CLASP2: variants seen among roughly 807,000 people sequenced by gnomAD.
CLASP2 encodes CLIP-associating protein 2.
A neutral mutation model predicts 194.4 loss-of-function variants in CLASP2; 47 were observed. The observed-to-expected ratio is 0.24, with a 90% CI of 0.19 to 0.31. CLASP2 has a LOEUF of 0.31. Among genes scored for constraint, CLASP2 ranks in the 10% least tolerant of loss-of-function variants. CLASP2 has a pLI of 1.00. For missense variants in CLASP2, 1,445 were observed against 1,823.6 expected, an observed-to-expected ratio of 0.79 and a Z score of 3.78; for synonymous variants, 619 against 633.5, an observed-to-expected ratio of 0.98 and a Z score of 0.34.
At chr3:33,634,494 T>C (rs2079731478) in intron 8 of CLASP2, among the ~76,000 whole-genome samples, 2 of 152,230 alleles carry the variant, frequency 1.3e-5, no homozygotes, top group African/African-American at 2.4e-5. Context: ...TAGCCAGATA[T>C]GGCCTGCCAG....
At chr3:33,539,197 G>A (rs1336535518) in intron 32 of CLASP2, among the ~76,000 whole-genome samples, 1 of 152,028 alleles carries the variant, frequency 6.6e-6, no homozygotes, top group Non-Finnish European at 1.5e-5. Context: ...CTTGAAAAAT[G>A]TTCTGATTAA....
chr3:33,530,177 T>G (rs2055916209), intron 34 of CLASP2, among the ~76,000 whole-genome samples: 1 of 151,886 alleles, frequency 6.6e-6, no homozygotes, highest in South Asian at 2.1e-4. Flanking sequence ...TACAGTATAG[T>G]AAATACTAAA....
At chr3:33,500,117 G>A (rs2046502698) in intron 38 of CLASP2, among the ~76,000 whole-genome samples, 2 of 151,932 alleles carry the variant, frequency 1.3e-5, no homozygotes, top group South Asian at 2.1e-4. Flanking sequence ...ACTGCAGCCT[G>A]AATCTCCTGG....
chr3:33,685,073 G>C (rs1330371323), intron 5 of CLASP2, among the ~76,000 whole-genome samples: 1 of 150,952 alleles, frequency 6.6e-6, no homozygotes, highest in Non-Finnish European at 1.5e-5. Flanking sequence ...CGGCACGGTG[G>C]CTCATGCCTG....
intron 1 of CLASP2, among the ~76,000 whole-genome samples, chr3:33,705,198 C>T (rs1184990955): frequency 6.6e-6 from 1 of 152,150 alleles, no homozygotes; most frequent in Non-Finnish European, 1.5e-5. Flanking sequence ...ATGCATACAA[C>T]AGAATTTTAC....
intron 38 of CLASP2, 55 bp downstream of exon 38, chr3:33,501,597 A>G (rs752653878): frequency 1.8e-6 from 2 of 1,099,274 alleles, no homozygotes; most frequent in Non-Finnish European, 2.8e-6. Context: ...CATGTAACTA[A>G]GTTTTGAAAG....
At chr3:33,688,202 T>C in intron 4 of CLASP2, 75 bp downstream of exon 4, 4 of 1,125,772 alleles carry the variant, frequency 3.6e-6, no homozygotes, top group Non-Finnish European at 5.0e-6. Context: ...ATAGCTTTCC[T>C]TGACTTTGTG....
chr3:33,653,679 C>A (rs145393421), intron 7 of CLASP2, among the ~76,000 whole-genome samples: 448 of 152,224 alleles, frequency 2.9e-3, no homozygotes, highest in South Asian at 0.012. Context: ...TGCACATACA[C>A]ACACATCTTA....
chr3:33,632,246 C>T (rs374150737), intron 9 of CLASP2, 46 bp downstream of exon 9: 222 of 1,182,178 alleles, frequency 1.9e-4, no homozygotes, highest in Admixed American at 5.0e-4. Flanking sequence ...ATTATATGAA[C>T]AGGCACACAG....
intron 7 of CLASP2, among the ~76,000 whole-genome samples, chr3:33,653,795 G>A (rs2083639470): frequency 6.6e-6 from 1 of 151,968 alleles, no homozygotes; most frequent in Admixed American, 6.6e-5. Flanking sequence ...AGTAGTAATG[G>A]AAATTCATTA....
chr3:33,683,039 G>A (rs1332852251), intron 6 of CLASP2: 1 of 152,102 alleles, frequency 6.6e-6, no homozygotes, highest in Non-Finnish European at 1.5e-5. Context: ...TTCTCATACA[G>A]TTTCTGTTAC....
chr3:33,577,343 A>T, intron 23 of CLASP2: 1 of 1,166,322 alleles, frequency 8.6e-7, no homozygotes, highest in South Asian at 1.3e-5. Flanking sequence ...TCAGGCAAGG[A>T]GAGTTAGTTA....
Position 33,648,419 on chromosome 3 carries a change from G to A in CLASP2, c.716-3516C>T, listed in dbSNP as rs114222554. Among the ~76,000 whole-genome samples, 198 of 151,988 alleles carry A rather than the reference G, an allele frequency of 1.3e-3. 2 individuals carry two copies. Among genetic ancestry groups the A allele is most frequent in the African/African-American group, 4.5e-3 (188 of 41,476 alleles). ...GAGAGATGTTTAATAATGAGAAAGC[G>A]GTTATTCCACGGGAAAAAAATCAGA... On this transcript the variant is annotated intron_variant, in intron 7 of 38. Transcript: ENST00000682230.
intron 32 of CLASP2, among the ~76,000 whole-genome samples, chr3:33,541,367 G>T (rs1372656866): frequency 6.6e-6 from 1 of 152,050 alleles, no homozygotes; most frequent in Admixed American, 6.6e-5. Flanking sequence ...TTCAGGATGT[G>T]CAGACTTGTT....
chr3:33,541,029 T>C (rs1327039990), intron 32 of CLASP2, among the ~76,000 whole-genome samples: 1 of 152,140 alleles, frequency 6.6e-6, no homozygotes, highest in Non-Finnish European at 1.5e-5. Flanking sequence ...CACCTCTGCC[T>C]CCCAAAGTGC....
chr3:33,613,677 T>A (rs1375426075), intron 12 of CLASP2, among the ~76,000 whole-genome samples: 1 of 152,226 alleles, frequency 6.6e-6, no homozygotes, highest in African/African-American at 2.4e-5. Context: ...AACTGTTTAA[T>A]TCAGCATGAA....
intron 1 of CLASP2, among the ~76,000 whole-genome samples, chr3:33,703,087 G>A (rs1395236762): frequency 6.6e-6 from 1 of 152,184 alleles, no homozygotes; most frequent in African/African-American, 2.4e-5. Flanking sequence ...CATGGTCCAT[G>A]AAAGAAATAA....
chr3:33,627,086 A>C lies in CLASP2; in HGVS notation c.943-6T>G. 6.9e-7 allele frequency: 1 copy of C among 1,441,076 alleles called. No individual in the cohort carries two copies. The highest frequency in any genetic ancestry group is 9.6e-7 in the Non-Finnish European group (1 of 1,043,076). The allele number at this position is 1,441,076 out of a possible 1,614,324, so 89.3% of individuals were successfully genotyped here. On this transcript the variant is annotated splice_region_variant and splice_polypyrimidine_tract_variant and intron_variant, in intron 9 of 38. Coordinates refer to ENST00000682230, the MANE Select transcript of CLASP2 (RefSeq NM_001365631.1). ...AGTTCTCGACTAGAATAAATCTTAAAAAAAAGATTCAGAATTATAACAATG... is the reference window on the plus strand; with the variant it reads ...AGTTCTCGACTAGAATAAATCTTAACAAAAAGATTCAGAATTATAACAATG...
At chr3:33,515,509 T>C (rs1395345220) in intron 36 of CLASP2, among the ~76,000 whole-genome samples, 2 of 152,118 alleles carry the variant, frequency 1.3e-5, no homozygotes, top group Non-Finnish European at 2.9e-5. Flanking sequence ...AATCAGCCAG[T>C]TGTGCTGGTG....
Sources: gnomAD v4.1 joint callset for allele counts (sites outside exome capture counted in the v4.1 genomes callset) on GRCh38, gnomAD v4.1.1 for gene constraint, MANE v1.5 for transcripts, NCBI Gene and HGNC (gene_info 2026-07-23, HGNC 2026-07-21) for gene names.